Variants in LARS2 observed in about 807,000 individuals in gnomAD.
LARS2 encodes leucyl-tRNA synthetase 2, mitochondrial.
LARS2 carries 81 observed loss-of-function variants against 116.6 expected under a neutral mutation model. The ratio of observed to expected loss-of-function variants is 0.69; its 90% CI spans 0.58 to 0.84. The LOEUF (loss-of-function observed/expected upper bound fraction) is 0.84. LARS2 is among the 40% of genes least tolerant of loss of function. LARS2 has a pLI of 0.00. For missense variants in LARS2, 968 were observed against 1,114.5 expected, an observed-to-expected ratio of 0.87 and a Z score of 1.87; for synonymous variants, 396 against 407.2, an observed-to-expected ratio of 0.97 and a Z score of 0.33.
chr3:45,438,119 A>G (rs1391036338), intron 6 of LARS2, among the ~76,000 whole-genome samples: 2 of 152,138 alleles, frequency 1.3e-5, no homozygotes, highest in South Asian at 2.1e-4. Flanking sequence ...TAAACTGCCA[A>G]TGCTGGACCA....
chr3:45,518,021 G>A lies in LARS2; in HGVS notation c.2163G>A (p.Glu721=), dbSNP rs567306065. The change falls in exon 18 of 22, where the codon GAG becomes GAA. Residue 721 remains glutamate (E), a synonymous_variant. Transcript: ENST00000645846. The part of the protein sequence containing the change: ...SPQPQLLSNK[E]KAEARKLWEY... The stretch of plus-strand genomic sequence containing the variant: ...AGCCTCAGCTGCTGAGTAACAAGGA[G>A]AAAGCTGAGGCCAGGAAGCTCTGGG... The A allele has an allele frequency of 9.9e-6, 16 of 1,613,864 alleles. No homozygotes were observed. The South Asian group carries it at 1.3e-4, about 13-fold the overall frequency.
In LARS2 at chr3:45,486,189, A is replaced by G. The variant is rs1228169442; in HGVS notation, c.1123+393A>G. On this transcript the variant is annotated intron_variant, in intron 11 of 21. Transcript: ENST00000645846. ...GGAAGAAAAGAAAACTCATAGAACC[A>G]ACAGCAACTGCTGGGACGGGGGTTC... 3.9e-5 allele frequency among the ~76,000 whole-genome samples: 6 copies of G among 152,294 alleles called. No homozygotes were observed. The South Asian group carries it at 1.0e-3, about 26-fold the overall frequency.
rs1700903293 is a variant in LARS2 at position 45,548,208 on chromosome 3, G to A, written c.*678G>A. 6.6e-6 allele frequency: 1 copy of A among 152,278 alleles called. No individual in the cohort carries two copies. Among genetic ancestry groups the A allele is most frequent in the Non-Finnish European group, 1.5e-5 (1 of 68,094 alleles). 9.4% of individuals were successfully genotyped at this position (152,278 alleles called of 1,614,324 possible). A position where few individuals can be genotyped will look rare whatever the true frequency, so the allele number is the denominator to read the frequency against. On this transcript the variant is annotated 3_prime_UTR_variant, in exon 22 of 22. Transcript: ENST00000645846. The stretch of plus-strand genomic sequence containing the variant: ...GGCCTGTCCTCCCCAACCCCAGCTG[G>A]ATGTGCCTCCCAGGCCTGCTGTGGT...
At chr3:45,411,044 G>T (rs1018411089) in intron 4 of LARS2, among the ~76,000 whole-genome samples, 6 of 152,192 alleles carry the variant, frequency 3.9e-5, no homozygotes, top group Non-Finnish European at 8.8e-5. Context: ...TATACTCAGG[G>T]AATGTTAGAA....
intron 4 of LARS2, among the ~76,000 whole-genome samples, chr3:45,401,080 T>G (rs1268729): frequency 6.6e-6 from 1 of 152,132 alleles, no homozygotes; most frequent in Non-Finnish European, 1.5e-5. Flanking sequence ...CAAAGTGCTG[T>G]GATTACAGGT....
chr3:45,439,238 T>C (rs954830972), intron 6 of LARS2, among the ~76,000 whole-genome samples: 3 of 107,394 alleles, frequency 2.8e-5, no homozygotes, highest in African/African-American at 1.0e-4. Context: ...TTTTTTTTTT[T>C]TGAGACAGTG....
rs571950392 is a variant in LARS2 at position 45,456,138 on chromosome 3, A to G, written c.607-2605A>G. 2.6e-4 allele frequency among the ~76,000 whole-genome samples: 39 copies of G among 152,266 alleles called. 1 individual carries two copies. The South Asian group carries it at 5.6e-3, about 22-fold the overall frequency. ...GTTTTGTATATTTCGAGATAACTGA[A>G]AGAGTAAATTTATCACCACAAAAAA... On this transcript the variant is annotated intron_variant, in intron 7 of 21. Transcript: ENST00000645846.
chr3:45,425,525 C>T (rs1334108993), intron 6 of LARS2, among the ~76,000 whole-genome samples: 2 of 152,202 alleles, frequency 1.3e-5, no homozygotes, highest in African/African-American at 4.8e-5. Context: ...GAGCCATGCT[C>T]TATCAGAATT....
At chr3:45,492,947 A>T (rs1029726767) in intron 13 of LARS2, among the ~76,000 whole-genome samples, 27 of 152,062 alleles carry the variant, frequency 1.8e-4, no homozygotes, top group African/African-American at 6.0e-4. Flanking sequence ...CTTTGTTGAT[A>T]AGCGCTGACA....
intron 10 of LARS2, among the ~76,000 whole-genome samples, chr3:45,478,804 C>A (rs1196051992): frequency 6.6e-6 from 1 of 152,130 alleles, no homozygotes; most frequent in Non-Finnish European, 1.5e-5. Flanking sequence ...CACATCACGT[C>A]CCTGGATTTT....
At chr3:45,480,357 T>C (rs1478070654) in intron 10 of LARS2, among the ~76,000 whole-genome samples, 2 of 152,268 alleles carry the variant, frequency 1.3e-5, no homozygotes, top group South Asian at 2.1e-4. Flanking sequence ...AAACTAGTTA[T>C]ATGGACTGCC....
chr3:45,420,718 A>G (rs1698500659), intron 6 of LARS2, among the ~76,000 whole-genome samples: 1 of 152,180 alleles, frequency 6.6e-6, no homozygotes, highest in African/African-American at 2.4e-5. Flanking sequence ...GGCAGAGAGA[A>G]CTGAGTATTG....
At position 45,394,623 on chromosome 3, in the gene LARS2, AG is replaced by A; in HGVS notation, c.172del (p.Asp58MetfsTer10). The A allele has an allele frequency of 6.2e-7, 1 of 1,614,228 alleles. No individual in the cohort carries two copies. The highest frequency in any genetic ancestry group is 2.2e-5 in the East Asian group (1 of 44,884). On this transcript the variant is annotated frameshift_variant, in exon 3 of 22. Transcript: ENST00000645846. LOFTEE classifies it high-confidence loss of function. The stretch of plus-strand genomic sequence containing the variant: ...AAAGAGTATACATTGCAGACAAGAA[AG>A]GATGTTGAGAAATGGTGGCATCAAC... ...WTKEYTLQTR[K>X]DVEKWWHQRI...
chr3:45,484,630 A>AAAAAAAAAAAAT (rs1553634443), intron 10 of LARS2, among the ~76,000 whole-genome samples: 1 of 9,738 alleles, frequency 1.0e-4, no homozygotes, highest in African/African-American at 1.8e-4. Flanking sequence ...AAAAAAAAAA[A>AAAAAAAAAAAAT]ATATATATAT....
chr3:45,426,205 A>C (rs1698592650), intron 6 of LARS2, among the ~76,000 whole-genome samples: 1 of 152,256 alleles, frequency 6.6e-6, no homozygotes, highest in Non-Finnish European at 1.5e-5. Context: ...AGCCTCCGGA[A>C]TAATAGAAAG....
intron 10 of LARS2, among the ~76,000 whole-genome samples, chr3:45,485,167 C>A (rs1699784168): frequency 1.3e-5 from 2 of 152,084 alleles, no homozygotes; most frequent in Admixed American, 6.5e-5. Context: ...CTTGATTTAC[C>A]CCTTCATTTT....
intron 7 of LARS2, among the ~76,000 whole-genome samples, chr3:45,451,924 A>C (rs1699136043): frequency 1.3e-5 from 2 of 151,978 alleles, no homozygotes; most frequent in African/African-American, 4.8e-5. Flanking sequence ...CCTTGCTTAA[A>C]TTTACTCCTA....
chr3:45,432,295 A>C (rs2125695681), intron 6 of LARS2, among the ~76,000 whole-genome samples: 1 of 152,234 alleles, frequency 6.6e-6, no homozygotes, highest in East Asian at 1.9e-4. Flanking sequence ...AAAATGTAAT[A>C]AACAAACTAG....
chr3:45,464,636 T>G (rs745598121), intron 8 of LARS2, among the ~76,000 whole-genome samples: 1 of 152,206 alleles, frequency 6.6e-6, no homozygotes, highest in Non-Finnish European at 1.5e-5. Flanking sequence ...CTCTGCCCTC[T>G]GACCTCAAGA....
Sources: allele counts gnomAD v4.1 joint callset (sites outside exome capture counted in the v4.1 genomes callset), GRCh38; gene constraint gnomAD v4.1.1; transcripts MANE v1.5; gene names NCBI Gene and HGNC (gene_info 2026-07-23, HGNC 2026-07-21).